Variants in PKP4 observed in about 807,000 individuals in gnomAD.
PKP4 encodes the protein plakophilin-4.
PKP4 carries 90 observed loss-of-function variants against 145.1 expected under a neutral mutation model. That is an observed-to-expected ratio of 0.62 (90% CI 0.52 to 0.74). The LOEUF is 0.74. PKP4 is among the 30% of genes least tolerant of loss of function. The pLI is 0.00. For synonymous variants in PKP4, 563 were observed against 577.2 expected (o/e 0.98, Z 0.35); for missense variants, 1,340 against 1,482.7 (o/e 0.90, Z 1.58).
chr2:158,582,326 ATATGCTATAGTTACT>A (rs750817139), intron 3 of PKP4, among the ~76,000 whole-genome samples: 17 of 152,228 alleles, frequency 1.1e-4, no homozygotes, highest in Non-Finnish European at 2.2e-4. Context: ...TTTGTTCTGA[ATATGCTATAGTTACT>A]TATGCATTCA....
At chr2:158,675,889 G>A (rs963804333) in intron 19 of PKP4, among the ~76,000 whole-genome samples, 6 of 152,140 alleles carry the variant, frequency 3.9e-5, no homozygotes, top group African/African-American at 9.7e-5. Flanking sequence ...TGTTGCTTTC[G>A]AGTGTATCAA....
At chr2:158,595,540 A>T (rs1408985345) in intron 3 of PKP4, among the ~76,000 whole-genome samples, 1 of 152,210 alleles carries the variant, frequency 6.6e-6, no homozygotes, top group Non-Finnish European at 1.5e-5. Flanking sequence ...AAACTAATGG[A>T]ATATTTTACA....
intron 4 of PKP4, among the ~76,000 whole-genome samples, chr2:158,605,538 T>C (rs2050586463): frequency 6.6e-6 from 1 of 152,158 alleles, no homozygotes; most frequent in African/African-American, 2.4e-5. Flanking sequence ...TTATGGCAAA[T>C]TTGGCACACA....
intron 1 of PKP4, among the ~76,000 whole-genome samples, chr2:158,488,313 T>C (rs1352155786): frequency 1.3e-5 from 2 of 152,218 alleles, no homozygotes; most frequent in Non-Finnish European, 2.9e-5. Flanking sequence ...CTGACTAAAG[T>C]TCCTTCAGCT....
chr2:158,475,253 T>C (rs1692274276), intron 1 of PKP4, among the ~76,000 whole-genome samples: 1 of 152,198 alleles, frequency 6.6e-6, no homozygotes, highest in Admixed American at 6.5e-5. Flanking sequence ...AATCTTTTTA[T>C]TAGAGTTTTA....
intron 1 of PKP4, among the ~76,000 whole-genome samples, chr2:158,462,337 A>G (rs1307053993): frequency 5.3e-5 from 8 of 151,160 alleles, no homozygotes; most frequent in Non-Finnish European, 1.5e-5. Flanking sequence ...TTAGCTCAAG[A>G]TTCCTGAAGT....
intron 2 of PKP4, among the ~76,000 whole-genome samples, chr2:158,557,442 T>C (rs901469858): frequency 7.9e-5 from 12 of 152,166 alleles, no homozygotes; most frequent in Middle Eastern, 3.2e-3. Flanking sequence ...TGTCCTGAAT[T>C]ATATACATGC....
At chr2:158,663,576 T>G in intron 15 of PKP4, 131 bp downstream of exon 15, 1 of 725,624 alleles carries the variant, frequency 1.4e-6, no homozygotes, top group South Asian at 1.9e-5. Context: ...AGCTTGTGTG[T>G]GAAGGGGTTA....
chr2:158,579,701 C>G (rs1284423901), intron 3 of PKP4, among the ~76,000 whole-genome samples: 1 of 151,988 alleles, frequency 6.6e-6, no homozygotes, highest in Non-Finnish European at 1.5e-5. Context: ...CACTCTAAAG[C>G]AGTTAAAATG....
At chr2:158,510,377 G>T (rs1253371686) in intron 1 of PKP4, among the ~76,000 whole-genome samples, 1 of 152,170 alleles carries the variant, frequency 6.6e-6, no homozygotes, top group Non-Finnish European at 1.5e-5. Flanking sequence ...AAACATAGAA[G>T]ACAGGGATCT....
At chr2:158,653,239 A>G (rs533998505) in intron 11 of PKP4, among the ~76,000 whole-genome samples, 1 of 25,296 alleles carries the variant, frequency 4.0e-5, no homozygotes, top group African/African-American at 9.7e-5. Flanking sequence ...CATTTTCCAA[A>G]TGTTTTGTTT....
At chr2:158,484,205 G>A (rs1170664683) in intron 1 of PKP4, among the ~76,000 whole-genome samples, 1 of 151,758 alleles carries the variant, frequency 6.6e-6, no homozygotes, top group Non-Finnish European at 1.5e-5. Context: ...CCGCCACCGC[G>A]CCCGGCTAAT....
chr2:158,512,666 C>T (rs929450878), intron 1 of PKP4, among the ~76,000 whole-genome samples: 3 of 152,166 alleles, frequency 2.0e-5, no homozygotes, highest in African/African-American at 4.8e-5. Flanking sequence ...TTGATATTAA[C>T]CCTTTCTTAA....
At position 158,678,291 on chromosome 2, in the gene PKP4, C is replaced by T. The variant is rs559174035; in HGVS notation, c.3257-290C>T. Among the ~76,000 whole-genome samples the T allele has an allele frequency of 7.2e-4, 110 of 152,376 alleles. 2 individuals are homozygous for T. The South Asian group carries it at 8.9e-3, about 12-fold the overall frequency. ...GAAACCCTCCCACATGTGAGCAGAG[C>T]TTGAGCAGGAACCTTTGCGCATGGG... On this transcript the variant is annotated intron_variant, in intron 20 of 21. Coordinates refer to ENST00000389759, the MANE Select transcript of PKP4 (RefSeq NM_003628.6).
Position 158,630,972 on chromosome 2 carries a change from C to T in PKP4, c.1154-781C>T, listed in dbSNP as rs183736781. ...TTTGTTTTTGAGACGGCGTCTTGCT[C>T]TGTTGCCCAGGTTGGAGTGCAGTGG... On this transcript the variant is annotated intron_variant, in intron 7 of 21. Transcript: ENST00000389759. Among the ~76,000 whole-genome samples, 32 of 139,980 alleles carry T rather than the reference C, an allele frequency of 2.3e-4. 1 individual carries two copies. In the East Asian group the frequency reaches 5.9e-3, roughly 26 times the overall value. 91.8% of individuals were successfully genotyped at this position (139,980 alleles called of 152,430 possible).
At chr2:158,490,421 G>T (rs564629090) in intron 1 of PKP4, among the ~76,000 whole-genome samples, 1 of 151,792 alleles carries the variant, frequency 6.6e-6, no homozygotes, top group African/African-American at 2.4e-5. Flanking sequence ...TATTTTAGGG[G>T]GTTAAAAGAT....
chr2:158,557,267 C>T (rs1278670934), intron 2 of PKP4, among the ~76,000 whole-genome samples: 2 of 151,442 alleles, frequency 1.3e-5, no homozygotes, highest in Non-Finnish European at 2.9e-5. Flanking sequence ...GCCAGTAATA[C>T]TATTATCATG....
intron 4 of PKP4, among the ~76,000 whole-genome samples, chr2:158,606,338 C>CA (rs562405491): frequency 0.089 from 12,907 of 145,404 alleles, 705 homozygotes; most frequent in Middle Eastern, 0.16. Flanking sequence ...GACTCCTTCT[C>CA]AAAAAAAAAA....
At chr2:158,473,252 A>AT (rs1327053017) in intron 1 of PKP4, among the ~76,000 whole-genome samples, 1 of 152,222 alleles carries the variant, frequency 6.6e-6, no homozygotes, top group African/African-American at 2.4e-5. Flanking sequence ...CAGTATGGTG[A>AT]TTCCTCAAAG....
Sources: allele counts gnomAD v4.1 joint callset (sites outside exome capture counted in the v4.1 genomes callset), GRCh38; gene constraint gnomAD v4.1.1; transcripts MANE v1.5; gene names NCBI Gene and HGNC (gene_info 2026-07-23, HGNC 2026-07-21).